The following ZNF438 variants were observed in gnomAD, a reference collection of about 807,000 sequenced individuals.
The protein encoded by ZNF438 is zinc finger protein 438.
ZNF438 carries 25 observed loss-of-function variants against 38.0 expected under a neutral mutation model. The observed-to-expected ratio is 0.66, with a 90% CI of 0.48 to 0.92. The LOEUF is 0.92. Among genes scored for constraint, ZNF438 ranks in the 40% least tolerant of loss-of-function variants. ZNF438 has a pLI of 0.00. For synonymous variants in ZNF438, 372 were observed against 364.1 expected (o/e 1.02, Z -0.25); for missense variants, 1,007 against 999.6 (o/e 1.01, Z -0.10).
intron 1 of ZNF438, among the ~76,000 whole-genome samples, chr10:30,942,481 C>A (rs894166874): frequency 1.3e-5 from 2 of 152,114 alleles, no homozygotes; most frequent in African/African-American, 4.8e-5. Context: ...GTTTAAAATT[C>A]TCTGAAATAT....
intron 4 of ZNF438, among the ~76,000 whole-genome samples, chr10:30,868,133 G>A (rs557999568): frequency 1.3e-5 from 2 of 151,078 alleles, no homozygotes; most frequent in Non-Finnish European, 2.9e-5. Context: ...GCAATGGCAC[G>A]ATCTCAACTC....
chr10:30,921,002 T>C (rs2044236646), intron 2 of ZNF438: 1 of 152,222 alleles, frequency 6.6e-6, no homozygotes, highest in African/African-American at 2.4e-5. Context: ...CTCAAGCATA[T>C]AAGATCTTTT....
chr10:31,018,828 C>A (rs2056391781), intron 1 of ZNF438, among the ~76,000 whole-genome samples: 1 of 152,134 alleles, frequency 6.6e-6, no homozygotes, highest in Non-Finnish European at 1.5e-5. Context: ...GTAACTGTTG[C>A]CATTCCAGTT....
intron 5 of ZNF438, 74 bp from the exon 7 acceptor site, chr10:30,845,647 G>A (rs2031828616): frequency 6.6e-7 from 1 of 1,519,984 alleles, no homozygotes; most frequent in South Asian, 1.3e-5. Context: ...TCAGCTGTCA[G>A]CCTTCAGGGA....
rs141643063 is a variant in ZNF438 at position 30,930,394 on chromosome 10, G to A, written c.-115+11181C>T. ...TCACACTGGCCTGCGAGTGCAGTGC[G>A]CAGCCCCGGTTCCCACCCGCGCATC... On this transcript the variant is annotated intron_variant, in intron 2 of 5. Coordinates refer to ENST00000413025, the Ensembl canonical transcript of ZNF438. Among the ~76,000 whole-genome samples the A allele has an allele frequency of 7.6e-3, 1,155 of 152,154 alleles. 6 individuals are homozygous for A. The highest frequency in any genetic ancestry group is 0.012 in the Non-Finnish European group (834 of 67,982).
At chr10:31,011,343 T>A (rs2055682436) in intron 1 of ZNF438, among the ~76,000 whole-genome samples, 1 of 152,200 alleles carries the variant, frequency 6.6e-6, no homozygotes, top group Non-Finnish European at 1.5e-5. Context: ...GACCCCCATT[T>A]CCCTCGGTTT....
intron 1 of ZNF438, among the ~76,000 whole-genome samples, chr10:30,989,206 T>C: frequency 6.6e-6 from 1 of 152,312 alleles, no homozygotes; most frequent in African/African-American, 2.4e-5. Flanking sequence ...GTGAGCCAAT[T>C]CCTTAAAATA....
At chr10:30,875,183 C>T in intron 4 of ZNF438, 30 of 918,636 alleles carry the variant, frequency 3.3e-5, no homozygotes, top group Non-Finnish European at 3.8e-5. Context: ...ATGGAAGTAT[C>T]CAAGCTTATG....
At chr10:30,962,615 C>T (rs2049618149) in intron 1 of ZNF438, among the ~76,000 whole-genome samples, 2 of 147,342 alleles carry the variant, frequency 1.4e-5, no homozygotes, top group South Asian at 4.3e-4. Flanking sequence ...AATTAGCAAA[C>T]CACCAAAACC....
intron 1 of ZNF438, among the ~76,000 whole-genome samples, chr10:31,008,958 G>A (rs1411816532): frequency 1.3e-5 from 2 of 152,152 alleles, no homozygotes; most frequent in African/African-American, 2.4e-5. Context: ...GCTAACTAGT[G>A]GGCATGAAGT....
At chr10:30,876,896 C>G in intron 4 of ZNF438, 102 bp downstream of exon 5, 1 of 784,618 alleles carries the variant, frequency 1.3e-6, no homozygotes, top group Non-Finnish European at 1.9e-6. Context: ...ATTTTTAATT[C>G]TAGGAAATAA....
chr10:30,857,576 A>G (rs1040922603), intron 4 of ZNF438: 1 of 959,570 alleles, frequency 1.0e-6, no homozygotes, highest in Non-Finnish European at 1.5e-6. Context: ...TTACCATTAA[A>G]TTATACTAAC....
chr10:30,994,839 T>C (rs1439937250), intron 1 of ZNF438, among the ~76,000 whole-genome samples: 1 of 151,978 alleles, frequency 6.6e-6, no homozygotes, highest in Non-Finnish European at 1.5e-5. Context: ...GATACCAGCC[T>C]AGGAAACATG....
rs1339657374 is a variant in ZNF438, at chr10:30,848,446, C to G, written c.1874+85G>C. Reference sequence around the variant, plus strand: ...CTTAATCCTAGAGATGTTTTATAAACTCTCCTTTCTGAATATGAAATCTTC... The same window carrying G: ...CTTAATCCTAGAGATGTTTTATAAAGTCTCCTTTCTGAATATGAAATCTTC... On this transcript the variant is annotated intron_variant, in intron 5 of 5. Transcript: ENST00000413025. 10 of 1,470,230 alleles carry G rather than the reference C, an allele frequency of 6.8e-6. No individual in the cohort carries two copies. In the East Asian group the frequency reaches 2.3e-4, roughly 34 times the overall value. 91.1% of individuals were successfully genotyped at this position (1,470,230 alleles called of 1,614,324 possible). A position where few individuals can be genotyped will look rare whatever the true frequency, so the allele number is the denominator to read the frequency against.
intron 2 of ZNF438, among the ~76,000 whole-genome samples, chr10:30,909,931 G>C (rs1446479511): frequency 6.6e-6 from 1 of 152,182 alleles, no homozygotes; most frequent in East Asian, 1.9e-4. Flanking sequence ...GATGCAAAGA[G>C]ACTTCTGAGC....
At chr10:31,019,798 G>A (rs2056462297) in intron 1 of ZNF438, among the ~76,000 whole-genome samples, 1 of 152,052 alleles carries the variant, frequency 6.6e-6, no homozygotes, top group Non-Finnish European at 1.5e-5. Context: ...TTTATTTGTT[G>A]CTTACCTGAA....
intron 1 of ZNF438, among the ~76,000 whole-genome samples, chr10:30,942,105 C>T (rs1800217016): frequency 6.6e-6 from 1 of 152,138 alleles, no homozygotes; most frequent in Non-Finnish European, 1.5e-5. Flanking sequence ...ACAAGTGACA[C>T]AAGGCGCTAC....
At chr10:30,887,554 A>G (rs2040120735) in intron 3 of ZNF438, among the ~76,000 whole-genome samples, 1 of 151,886 alleles carries the variant, frequency 6.6e-6, no homozygotes, top group Non-Finnish European at 1.5e-5. Flanking sequence ...ACGTCCAGCT[A>G]ATTTTTTGTA....
intron 2 of ZNF438, among the ~76,000 whole-genome samples, chr10:30,940,530 A>T (rs2046707977): frequency 6.6e-6 from 1 of 152,198 alleles, no homozygotes; most frequent in Admixed American, 6.5e-5. Flanking sequence ...CATGAAGAAC[A>T]ATGAGAGTTC....
Sources: allele counts gnomAD v4.1 joint callset (sites outside exome capture counted in the v4.1 genomes callset), GRCh38; gene constraint gnomAD v4.1.1; transcripts MANE v1.5; gene names NCBI Gene and HGNC (gene_info 2026-07-23, HGNC 2026-07-21).